The following PABPC4L variants were observed in gnomAD, a reference collection of about 807,000 sequenced individuals.
The protein encoded by PABPC4L is polyadenylate-binding protein 4-like.
For synonymous variants in PABPC4L, 169 were observed against 164.1 expected, an observed-to-expected ratio of 1.03 and a Z score of -0.23; for missense variants, 452 against 451.4, an observed-to-expected ratio of 1.00 and a Z score of -0.01.
At chr4:134,043,610 A>C in the PABPC4L span, among the ~76,000 whole-genome samples, 1 of 152,180 alleles carries the variant, frequency 6.6e-6, no homozygotes, top group African/African-American at 2.4e-5. Flanking sequence ...TACTTTCAGC[A>C]GTCAAAAGTA....
chr4:134,160,264 G>C, the PABPC4L span, among the ~76,000 whole-genome samples: 2 of 152,102 alleles, frequency 1.3e-5, no homozygotes, highest in Non-Finnish European at 2.9e-5. Context: ...AGGCAGCCCA[G>C]TGCAGAGAGA....
the PABPC4L span, among the ~76,000 whole-genome samples, chr4:134,000,645 T>G: frequency 6.6e-6 from 1 of 152,156 alleles, no homozygotes; most frequent in Non-Finnish European, 1.5e-5. Flanking sequence ...AAGATTAGCA[T>G]TTGAATTGGC....
At chr4:134,117,951 G>T in the PABPC4L span, among the ~76,000 whole-genome samples, 3 of 151,656 alleles carry the variant, frequency 2.0e-5, no homozygotes, top group Admixed American at 2.0e-4. Context: ...AAGCAGCTTT[G>T]CTTTTACTTC....
At chr4:134,001,934 A>G in the PABPC4L span, among the ~76,000 whole-genome samples, 1 of 152,068 alleles carries the variant, frequency 6.6e-6, no homozygotes, top group Non-Finnish European at 1.5e-5. Context: ...TAATGATTTC[A>G]GAATCAAGTG....
the PABPC4L span, among the ~76,000 whole-genome samples, chr4:134,111,871 G>A: frequency 1.3e-5 from 2 of 151,874 alleles, no homozygotes; most frequent in Non-Finnish European, 1.5e-5. Context: ...GTGTGTCTTT[G>A]TCAGCAGCGT....
the PABPC4L span, among the ~76,000 whole-genome samples, chr4:134,135,331 C>G: frequency 1.3e-5 from 2 of 152,106 alleles, no homozygotes; most frequent in African/African-American, 4.8e-5. Context: ...TTCTCAAATA[C>G]TCAAATTGTC....
the PABPC4L span, among the ~76,000 whole-genome samples, chr4:134,173,159 C>CAAAAAAAAAAAAAAAA: frequency 1.3e-5 from 1 of 78,004 alleles, no homozygotes; most frequent in Non-Finnish European, 2.6e-5. Flanking sequence ...GGAGATTCCT[C>CAAAAAAAAAAAAAAAA]AAAAAAAAAA....
chr4:134,130,081 A>C, the PABPC4L span, among the ~76,000 whole-genome samples: 1 of 150,636 alleles, frequency 6.6e-6, no homozygotes. Flanking sequence ...AAAAAAAAAA[A>C]CAACTTTGAA....
At chr4:134,078,122 C>T in the PABPC4L span, among the ~76,000 whole-genome samples, 17 of 151,956 alleles carry the variant, frequency 1.1e-4, no homozygotes, top group Non-Finnish European at 2.2e-4. Context: ...TAAAATGACC[C>T]CCTGGACTTA....
chr4:134,134,908 C>T, the PABPC4L span, among the ~76,000 whole-genome samples: 1 of 151,604 alleles, frequency 6.6e-6, no homozygotes, highest in East Asian at 1.9e-4. Flanking sequence ...GGAGTAAATT[C>T]AAGGGCAGAA....
At chr4:134,103,720 A>G in the PABPC4L span, among the ~76,000 whole-genome samples, 1 of 151,732 alleles carries the variant, frequency 6.6e-6, no homozygotes, top group Admixed American at 6.6e-5. Context: ...TATTGTTCTT[A>G]ACTATTCTGT....
the PABPC4L span, among the ~76,000 whole-genome samples, chr4:134,054,252 G>GTATATATA: frequency 1.3e-3 from 118 of 93,754 alleles, no homozygotes; most frequent in South Asian, 2.4e-3. Flanking sequence ...AGTTGTATAT[G>GTATATATA]TATATATATA....
chr4:134,120,421 T>C, the PABPC4L span, among the ~76,000 whole-genome samples: 1 of 149,562 alleles, frequency 6.7e-6, no homozygotes, highest in African/African-American at 2.4e-5. Context: ...ATATAAATTT[T>C]TAATATTCAT....
At chr4:134,039,701 G>C in the PABPC4L span, among the ~76,000 whole-genome samples, 1 of 151,710 alleles carries the variant, frequency 6.6e-6, no homozygotes, top group Non-Finnish European at 1.5e-5. Context: ...CCTTTATGTT[G>C]AGCCTATGTG....
chr4:134,087,899 C>T, the PABPC4L span, among the ~76,000 whole-genome samples: 1 of 152,070 alleles, frequency 6.6e-6, no homozygotes, highest in African/African-American at 2.4e-5. Context: ...TACGTTAATA[C>T]ATCTAGTACC....
the PABPC4L span, among the ~76,000 whole-genome samples, chr4:133,965,613 A>G: frequency 1.3e-5 from 2 of 152,310 alleles, no homozygotes; most frequent in African/African-American, 4.8e-5. Flanking sequence ...TGATACACAA[A>G]TATTCACATA....
At chr4:134,057,850 A>G in the PABPC4L span, among the ~76,000 whole-genome samples, 12 of 152,072 alleles carry the variant, frequency 7.9e-5, no homozygotes, top group Non-Finnish European at 1.3e-4. Context: ...TATTTTATAT[A>G]TAATTTTCAG....
chr4:134,064,679 T>C, the PABPC4L span, among the ~76,000 whole-genome samples: 1 of 152,070 alleles, frequency 6.6e-6, no homozygotes, highest in African/African-American at 2.4e-5. Flanking sequence ...GAGTTTGGTG[T>C]ACAGATTATT....
At chr4:134,123,665 C>T in the PABPC4L span, among the ~76,000 whole-genome samples, 628 of 151,784 alleles carry the variant, frequency 4.1e-3, 8 homozygotes, top group African/African-American at 0.014. Flanking sequence ...AAATACAGAG[C>T]GAGAGAGAGA....
Sources: gnomAD v4.1 joint callset for allele counts (sites outside exome capture counted in the v4.1 genomes callset) on GRCh38, gnomAD v4.1.1 for gene constraint, MANE v1.5 for transcripts, NCBI Gene and HGNC (gene_info 2026-07-23, HGNC 2026-07-21) for gene names.